ALG12: variants seen among roughly 807,000 people sequenced by gnomAD.
ALG12 encodes dol-P-Man:Man(7)GlcNAc(2)-PP-Dol alpha-1,6-mannosyltransferase.
A neutral mutation model predicts 46.0 loss-of-function variants in ALG12; 36 were observed. That is an observed-to-expected ratio of 0.78 (90% CI 0.60 to 1.03). The LOEUF (loss-of-function observed/expected upper bound fraction) is 1.03. Among genes scored for constraint, ALG12 ranks in the 50% least tolerant of loss-of-function variants. ALG12 has a pLI of 0.00. For missense variants in ALG12, 599 were observed against 633.5 expected, an observed-to-expected ratio of 0.95 and a Z score of 0.58; for synonymous variants, 326 against 291.6, an observed-to-expected ratio of 1.12 and a Z score of -1.20.
downstream of ALG12, among the ~76,000 whole-genome samples, chr22:49,895,864 C>CTTGA (rs10625695): frequency 0.26 from 38,861 of 151,892 alleles, 9,843 homozygotes; most frequent in African/African-American, 0.66. Context: ...CTAAAGGAGT[C>CTTGA]TTAATATTTG....
the ALG12 span, chr22:49,885,295 G>A: frequency 1.3e-6 from 2 of 1,592,298 alleles, no homozygotes; most frequent in South Asian, 1.1e-5. Context: ...GCCAACAGTG[G>A]TCACAAAAAA....
chr22:49,891,507 T>C, the ALG12 span, among the ~76,000 whole-genome samples: 1 of 152,208 alleles, frequency 6.6e-6, no homozygotes, highest in Non-Finnish European at 1.5e-5. Context: ...TCATCTCCAA[T>C]GTTGTCTTGA....
chr22:49,885,675 G>T, the ALG12 span: 19 of 1,612,352 alleles, frequency 1.2e-5, no homozygotes, highest in Middle Eastern at 1.6e-4. Context: ...TTGACCTCCA[G>T]CCATATTCTT....
At position 49,909,345 on chromosome 22, in the gene ALG12, G is replaced by A; in HGVS notation, c.667C>T (p.Leu223=). 1.2e-6 allele frequency: 2 copies of A among 1,614,162 alleles called. No homozygotes were observed. Among genetic ancestry groups the A allele is most frequent in the Middle Eastern group, 1.6e-4 (1 of 6,062 alleles). The change falls in exon 6 of 10, where the codon CTG becomes TTG. Residue 223 remains leucine (L), a splice_region_variant and synonymous_variant. Transcript: ENST00000330817. ...AAATAAGAGTCCACAGCAACCGTCA[G>A]TCCTGACAAAATAAAATAGAGTTTC... ...AVPAGILCLG[L]TVAVDSYFWR...
the ALG12 span, among the ~76,000 whole-genome samples, chr22:49,870,495 T>C: frequency 2.6e-5 from 4 of 152,330 alleles, no homozygotes; most frequent in South Asian, 8.3e-4. Context: ...CTGTTATTTT[T>C]TTCTTTTTTT....
At chr22:49,907,309 G>T (rs554987378) in intron 7 of ALG12, among the ~76,000 whole-genome samples, 1 of 152,180 alleles carries the variant, frequency 6.6e-6, no homozygotes, top group Non-Finnish European at 1.5e-5. Flanking sequence ...GACCGCTGGT[G>T]CATCACCATA....
At chr22:49,884,366 TCTC>T in the ALG12 span, 36 of 1,612,732 alleles carry the variant, frequency 2.2e-5, no homozygotes, top group African/African-American at 9.3e-5. Context: ...TCTGAAGAAA[TCTC>T]CTCTGACATG....
rs762619763 is a variant in ALG12 at position 49,910,613 on chromosome 22, CAA to C, written c.296-8_296-7del. 8.7e-6 allele frequency: 14 copies of C among 1,614,068 alleles called. No individual in the cohort carries two copies. The East Asian group carries it at 2.0e-4, about 23-fold the overall frequency. ...GAGTCCAAGCACTCCTCTAACTAAACAAAGACAGTGACAGCACCTGAGCCTGC... is the reference window on the plus strand; with the variant it reads ...GAGTCCAAGCACTCCTCTAACTAAACAGACAGTGACAGCACCTGAGCCTGC... On this transcript the variant is annotated splice_region_variant and splice_polypyrimidine_tract_variant and intron_variant, in intron 3 of 9. Transcript: ENST00000330817.
chr22:49,909,827 C>A, intron 5 of ALG12, 67 bp downstream of exon 5: 2 of 1,600,690 alleles, frequency 1.2e-6, no homozygotes, highest in Non-Finnish European at 1.7e-6. Context: ...TCCCAAATTT[C>A]TCTTGACCTT....
At chr22:49,862,354 C>T in the ALG12 span, among the ~76,000 whole-genome samples, 6 of 152,320 alleles carry the variant, frequency 3.9e-5, no homozygotes, top group South Asian at 8.3e-4. Flanking sequence ...AGTCTCTCAC[C>T]GTGGCCTGCA....
the ALG12 span, chr22:49,888,346 G>A: frequency 6.0e-6 from 1 of 166,964 alleles, no homozygotes; most frequent in South Asian, 2.1e-4. Context: ...TTGAAATACT[G>A]TACGTACGCT....
At chr22:49,877,929 G>C in the ALG12 span, among the ~76,000 whole-genome samples, 1 of 152,136 alleles carries the variant, frequency 6.6e-6, no homozygotes. Flanking sequence ...GCTGCATAAT[G>C]ATCCATTGTA....
At chr22:49,875,006 A>G in the ALG12 span, among the ~76,000 whole-genome samples, 1 of 151,998 alleles carries the variant, frequency 6.6e-6, no homozygotes, top group African/African-American at 2.4e-5. Flanking sequence ...TGACTATTAA[A>G]CCAACCTTTT....
the ALG12 span, among the ~76,000 whole-genome samples, chr22:49,895,074 C>T: frequency 2.6e-5 from 4 of 152,208 alleles, no homozygotes; most frequent in African/African-American, 9.6e-5. Flanking sequence ...CTCTGAGCCC[C>T]AGGTGACACC....
chr22:49,863,625 C>CA, the ALG12 span, among the ~76,000 whole-genome samples: 8,428 of 94,152 alleles, frequency 0.09, 327 homozygotes, highest in South Asian at 0.23. Flanking sequence ...GACTCCGTCT[C>CA]AAAAAAAAAA....
rs777963575 is a variant in ALG12 at position 49,904,174 on chromosome 22, C to A, written c.1238+5G>T. ...TGGGAGGGCCGTGCTGTGTGTGGAT[C>A]CTACCTCCAGGCGCTGTTGACTTGG... On this transcript the variant is annotated splice_donor_5th_base_variant and intron_variant, in intron 9 of 9. Transcript: ENST00000330817. 1.9e-6 allele frequency: 3 copies of A among 1,614,248 alleles called. No individual in the cohort carries two copies. The highest frequency in any genetic ancestry group is 2.2e-5 in the East Asian group (1 of 44,886).
intron 6 of ALG12, among the ~76,000 whole-genome samples, chr22:49,909,040 T>C (rs1207718760): frequency 6.6e-6 from 1 of 151,478 alleles, no homozygotes; most frequent in Non-Finnish European, 1.5e-5. Context: ...CCTCAGGCTG[T>C]TTCCTGGCTG....
chr22:49,886,594 A>G, the ALG12 span: 3 of 1,559,792 alleles, frequency 1.9e-6, no homozygotes, highest in South Asian at 1.2e-5. This position sits in a 1 kb window ranked among gnomAD's most constrained non-coding sequence, Gnocchi z 7.7. Flanking sequence ...GACGATGGGC[A>G]TCGACACCAT....
chr22:49,910,040 A>G lies in ALG12; in HGVS notation c.518T>C (p.Ile173Thr). Residue 173 changes from isoleucine to threonine, a missense_variant, in exon 5 of 10, where the codon ATC becomes ACC. Ile to Thr is a moderately conservative substitution (Grantham distance 89). Coordinates refer to ENST00000330817, the MANE Select transcript of ALG12 (RefSeq NM_024105.4). ...GATGATGGCGAAGGCTGACAGCCAG[A>G]TGAAGCGGGCCCACTCGTGCCGCAG... is the stretch of plus-strand genomic sequence containing the variant. Reference protein sequence around the residue: ...AWLRHEWARFIWLSAFAIIVF... With the variant: ...AWLRHEWARFTWLSAFAIIVF... 1 of 1,613,300 alleles carries G rather than the reference A, an allele frequency of 6.2e-7. No homozygotes were observed. The highest frequency in any genetic ancestry group is 8.5e-7 in the Non-Finnish European group (1 of 1,179,880).
Sources: allele counts gnomAD v4.1 joint callset (sites outside exome capture counted in the v4.1 genomes callset), GRCh38; gene constraint gnomAD v4.1.1; non-coding constraint Gnocchi (gnomAD v3.1); transcripts MANE v1.5; gene names NCBI Gene and HGNC (gene_info 2026-07-23, HGNC 2026-07-21).